CAMK1D: variants seen among roughly 807,000 people sequenced by gnomAD.
CAMK1D encodes calcium/calmodulin-dependent protein kinase type 1D.
CAMK1D carries 9 observed loss-of-function variants against 47.7 expected under a neutral mutation model. That is an observed-to-expected ratio of 0.19 (90% CI 0.11 to 0.33). CAMK1D has a LOEUF of 0.33. CAMK1D is among the 10% of genes least tolerant of loss of function. CAMK1D has a pLI of 1.00. For synonymous variants in CAMK1D, 184 were observed against 184.9 expected, an observed-to-expected ratio of 0.99 and a Z score of 0.04; for missense variants, 291 against 488.7, an observed-to-expected ratio of 0.60 and a Z score of 3.81.
intron 4 of CAMK1D, among the ~76,000 whole-genome samples, chr10:12,764,106 C>T (rs556052861): frequency 4.8e-4 from 73 of 152,248 alleles, no homozygotes; most frequent in Middle Eastern, 6.8e-3. Flanking sequence ...ATTGGCTGGG[C>T]GCGGAGGCTC....
intron 2 of CAMK1D, among the ~76,000 whole-genome samples, chr10:12,585,643 A>G (rs749255831): frequency 2.0e-5 from 3 of 152,220 alleles, no homozygotes; most frequent in Admixed American, 2.0e-4. Context: ...GTTTCCTTTT[A>G]TAAAACCATT....
intron 3 of CAMK1D, among the ~76,000 whole-genome samples, chr10:12,731,369 T>A (rs2130812181): frequency 6.6e-6 from 1 of 152,358 alleles, no homozygotes; most frequent in African/African-American, 2.4e-5. Context: ...AGCCAAGTCA[T>A]CTGCTGAGAA....
intron 1 of CAMK1D, among the ~76,000 whole-genome samples, chr10:12,407,323 T>A (rs1320657995): frequency 1.3e-5 from 2 of 152,250 alleles, no homozygotes; most frequent in Admixed American, 6.5e-5. Context: ...AAGCTCCCAC[T>A]GCCAGGGGAA....
intron 1 of CAMK1D, among the ~76,000 whole-genome samples, chr10:12,380,313 A>G (rs1294946828): frequency 6.6e-6 from 1 of 152,190 alleles, no homozygotes; most frequent in East Asian, 1.9e-4. Flanking sequence ...ATACTGTCTC[A>G]CCTTCCAATT....
chr10:12,477,067 T>C (rs2132088667), intron 1 of CAMK1D, among the ~76,000 whole-genome samples: 1 of 151,844 alleles, frequency 6.6e-6, no homozygotes. Context: ...GATTATGGAG[T>C]CATCGCCAAT....
intron 2 of CAMK1D, among the ~76,000 whole-genome samples, chr10:12,571,473 A>G (rs1415517972): frequency 5.7e-5 from 8 of 141,560 alleles, no homozygotes; most frequent in African/African-American, 1.5e-4. Context: ...AAAAAAAAAG[A>G]AAAAAAAGAA....
chr10:12,588,878 G>GTGTA (rs2132355970), intron 2 of CAMK1D, among the ~76,000 whole-genome samples: 1 of 134,388 alleles, frequency 7.4e-6, no homozygotes, highest in South Asian at 2.1e-4. Context: ...GTGTGTGTGT[G>GTGTA]TGTGTGCGTG....
intron 2 of CAMK1D, among the ~76,000 whole-genome samples, chr10:12,629,500 C>T (rs1237973940): frequency 2.6e-5 from 4 of 152,146 alleles, no homozygotes; most frequent in East Asian, 1.9e-4. Flanking sequence ...GTCCCCATGT[C>T]GAGGTTGTCA....
At chr10:12,563,892 C>A (rs1433495725) in intron 2 of CAMK1D, among the ~76,000 whole-genome samples, 3 of 152,104 alleles carry the variant, frequency 2.0e-5, no homozygotes, top group African/African-American at 7.2e-5. Flanking sequence ...TTCCTTGTGC[C>A]ATCTCTGTCA....
intron 1 of CAMK1D, among the ~76,000 whole-genome samples, chr10:12,402,116 G>A (rs946396976): frequency 1.3e-5 from 2 of 151,724 alleles, no homozygotes; most frequent in Non-Finnish European, 2.9e-5. Flanking sequence ...GTCGCCTTGT[G>A]TTTTTAATAG....
In CAMK1D at chr10:12,448,794, A is replaced by G. The variant is rs367826451; in HGVS notation, c.92+98884A>G. 9.2e-5 allele frequency among the ~76,000 whole-genome samples: 14 copies of G among 152,322 alleles called. No individual in the cohort carries two copies. In the East Asian group the frequency reaches 2.3e-3, roughly 25 times the overall value. On this transcript the variant is annotated intron_variant, in intron 1 of 10. Coordinates refer to ENST00000619168, the MANE Select transcript of CAMK1D (RefSeq NM_153498.4). ...TCCCCGGACCATTCCTCCCGGTGAA[A>G]AACATGAAATGTGACTATCCGGAAA...
intron 1 of CAMK1D, among the ~76,000 whole-genome samples, chr10:12,353,291 C>T (rs1199649156): frequency 1.3e-5 from 2 of 152,192 alleles, no homozygotes; most frequent in East Asian, 1.9e-4. Flanking sequence ...TTTCTCCCTA[C>T]GTCTTTAAGA....
At chr10:12,560,763 A>C (rs1048341568) in intron 2 of CAMK1D, among the ~76,000 whole-genome samples, 5 of 152,078 alleles carry the variant, frequency 3.3e-5, no homozygotes, top group Non-Finnish European at 7.4e-5. Flanking sequence ...GAAAGCTCGC[A>C]CTGGAATGGA....
At chr10:12,506,277 G>A (rs979990708) in intron 1 of CAMK1D, among the ~76,000 whole-genome samples, 2 of 152,162 alleles carry the variant, frequency 1.3e-5, no homozygotes, top group African/African-American at 2.4e-5. Flanking sequence ...AAAACTAGCC[G>A]AGTGGGGTGC....
chr10:12,402,780 A>G (rs1839274446), intron 1 of CAMK1D, among the ~76,000 whole-genome samples: 2 of 151,924 alleles, frequency 1.3e-5, no homozygotes, highest in Non-Finnish European at 2.9e-5. Flanking sequence ...TGGATTTAGG[A>G]GCATCAGTTG....
intron 3 of CAMK1D, among the ~76,000 whole-genome samples, chr10:12,699,790 A>G (rs933136095): frequency 2.6e-5 from 4 of 152,182 alleles, no homozygotes; most frequent in South Asian, 2.1e-4. Flanking sequence ...CATTGTCCAC[A>G]TAAACTTTTC....
intron 1 of CAMK1D, among the ~76,000 whole-genome samples, chr10:12,364,490 A>G (rs1387182528): frequency 6.6e-6 from 1 of 151,868 alleles, no homozygotes; most frequent in East Asian, 1.9e-4. Flanking sequence ...TGATCCGCCC[A>G]CCTAGGCCTC....
At chr10:12,658,020 C>A (rs1470146878) in intron 2 of CAMK1D, among the ~76,000 whole-genome samples, 2 of 152,074 alleles carry the variant, frequency 1.3e-5, no homozygotes, top group African/African-American at 2.4e-5. Context: ...CATGGTGGCA[C>A]GTACCTGTAG....
intron 3 of CAMK1D, among the ~76,000 whole-genome samples, chr10:12,706,194 A>G (rs1833720917): frequency 6.6e-6 from 1 of 152,208 alleles, no homozygotes; most frequent in South Asian, 2.1e-4. Context: ...GATGATTCAT[A>G]TCCTGGGTGA....
Sources: allele counts gnomAD v4.1 joint callset (sites outside exome capture counted in the v4.1 genomes callset), GRCh38; gene constraint gnomAD v4.1.1; transcripts MANE v1.5; gene names NCBI Gene and HGNC (gene_info 2026-07-23, HGNC 2026-07-21).